Variants in LDB2 observed in about 807,000 individuals in gnomAD.
LDB2 encodes LIM domain-binding protein 2.
In LDB2, 12 loss-of-function variants were observed where a neutral mutation model predicts 44.3. The ratio of observed to expected loss-of-function variants is 0.27; its 90% CI spans 0.17 to 0.44. The LOEUF (loss-of-function observed/expected upper bound fraction) is 0.44, where lower values mean the gene tolerates loss of function less well. Ranked by LOEUF, LDB2 falls within the 20% of genes least tolerant of loss-of-function variation. LDB2 has a pLI of 1.00. For missense variants in LDB2, 344 were observed against 473.5 expected (o/e 0.73, Z 2.54); for synonymous variants, 164 against 174.8 (o/e 0.94, Z 0.49).
chr4:16,594,788 T>C (rs1720315485), intron 3 of LDB2, among the ~76,000 whole-genome samples: 1 of 152,216 alleles, frequency 6.6e-6, no homozygotes, highest in South Asian at 2.1e-4. Flanking sequence ...AGCGTTGTCA[T>C]TTGTGTTTTG....
chr4:16,579,020 G>A (rs1037188979), intron 5 of LDB2, among the ~76,000 whole-genome samples: 42 of 152,248 alleles, frequency 2.8e-4, no homozygotes, highest in South Asian at 1.0e-3. Flanking sequence ...ATAGAGAGTG[G>A]GGATGGTCAC....
chr4:16,688,509 A>G (rs946650803), intron 2 of LDB2, among the ~76,000 whole-genome samples: 1 of 152,238 alleles, frequency 6.6e-6, no homozygotes, highest in African/African-American at 2.4e-5. Context: ...TTAAAAAAGC[A>G]CAAAATGGCA....
chr4:16,711,321 G>A (rs1356204658), intron 2 of LDB2, among the ~76,000 whole-genome samples: 1 of 152,056 alleles, frequency 6.6e-6, no homozygotes, highest in Admixed American at 6.5e-5. Context: ...GCCAGGCACT[G>A]AGCTTGGCCC....
intron 6 of LDB2, among the ~76,000 whole-genome samples, chr4:16,509,345 A>G (rs1398571721): frequency 6.6e-6 from 1 of 152,158 alleles, no homozygotes; most frequent in Non-Finnish European, 1.5e-5. Flanking sequence ...AAATTGCTAG[A>G]AAAAAATATG....
chr4:16,561,566 A>G (rs960484866), intron 5 of LDB2, among the ~76,000 whole-genome samples: 1 of 152,226 alleles, frequency 6.6e-6, no homozygotes, highest in Non-Finnish European at 1.5e-5. Flanking sequence ...AGGCAATAAA[A>G]GAGGATACAA....
At chr4:16,571,669 C>G (rs1435426017) in intron 5 of LDB2, among the ~76,000 whole-genome samples, 1 of 152,126 alleles carries the variant, frequency 6.6e-6, no homozygotes, top group African/African-American at 2.4e-5. Flanking sequence ...AAAACTAGGC[C>G]ATTAACACCT....
intron 1 of LDB2, among the ~76,000 whole-genome samples, chr4:16,836,691 C>A (rs533240897): frequency 6.6e-6 from 1 of 152,248 alleles, no homozygotes; most frequent in East Asian, 1.9e-4. Flanking sequence ...TCATGCCCAC[C>A]ATTTATTGAT....
At chr4:16,614,919 A>C (rs1240968273) in intron 2 of LDB2, among the ~76,000 whole-genome samples, 3 of 150,418 alleles carry the variant, frequency 2.0e-5, no homozygotes, top group African/African-American at 7.3e-5. Context: ...AAATACAAAA[A>C]ATTAGCCGGG....
intron 1 of LDB2, among the ~76,000 whole-genome samples, chr4:16,866,989 T>G (rs1417002644): frequency 1.3e-5 from 2 of 152,150 alleles, no homozygotes; most frequent in Non-Finnish European, 2.9e-5. Flanking sequence ...GTGACAACCT[T>G]GCCAAACAGA....
At chr4:16,645,361 C>A (rs936406617) in intron 2 of LDB2, among the ~76,000 whole-genome samples, 1 of 151,150 alleles carries the variant, frequency 6.6e-6, no homozygotes, top group Non-Finnish European at 1.5e-5. Context: ...AAGGTGAAAC[C>A]CCGTCTCTAC....
At chr4:16,842,536 T>G (rs900699072) in intron 1 of LDB2, among the ~76,000 whole-genome samples, 6 of 152,242 alleles carry the variant, frequency 3.9e-5, no homozygotes, top group Admixed American at 1.3e-4. Flanking sequence ...TATACACATT[T>G]ATTAAGGCAC....
intron 1 of LDB2, among the ~76,000 whole-genome samples, chr4:16,796,553 A>G (rs1776783395): frequency 6.6e-6 from 1 of 152,198 alleles, no homozygotes; most frequent in South Asian, 2.1e-4. Flanking sequence ...AAGAATCACA[A>G]GTGATTTATG....
chr4:16,567,605 C>A (rs970583766), intron 5 of LDB2, among the ~76,000 whole-genome samples: 2 of 152,008 alleles, frequency 1.3e-5, no homozygotes, highest in African/African-American at 4.8e-5. Context: ...CCTGTCTCTA[C>A]TAGAAATACA....
chr4:16,836,414 C>G (rs1436197000), intron 1 of LDB2, among the ~76,000 whole-genome samples: 1 of 152,186 alleles, frequency 6.6e-6, no homozygotes, highest in Non-Finnish European at 1.5e-5. Context: ...CCCAGGTGCT[C>G]AGGAAGTCCA....
intron 1 of LDB2, among the ~76,000 whole-genome samples, chr4:16,834,759 G>A (rs566040000): frequency 3.3e-5 from 5 of 152,024 alleles, no homozygotes; most frequent in South Asian, 2.1e-4. Context: ...CCCCGGAGTC[G>A]GAGTTTGCAG....
intron 1 of LDB2, among the ~76,000 whole-genome samples, chr4:16,785,136 C>A (rs1774141320): frequency 6.6e-6 from 1 of 151,436 alleles, no homozygotes; most frequent in South Asian, 2.1e-4. Flanking sequence ...AAAATAAATC[C>A]TTTTTCTTAA....
chr4:16,726,448 T>C (rs1166248870), intron 2 of LDB2: 1 of 152,158 alleles, frequency 6.6e-6, no homozygotes, highest in Non-Finnish European at 1.5e-5. Context: ...TAAATACATT[T>C]ATATTTTAGT....
intron 1 of LDB2, among the ~76,000 whole-genome samples, chr4:16,881,657 A>G (rs1720166493): frequency 6.7e-6 from 1 of 149,410 alleles, no homozygotes; most frequent in Non-Finnish European, 1.5e-5. Context: ...TTCCACATAA[A>G]TTACTATGAT....
intron 5 of LDB2, among the ~76,000 whole-genome samples, chr4:16,529,745 A>G (rs1729490760): frequency 6.6e-6 from 1 of 152,014 alleles, no homozygotes; most frequent in Non-Finnish European, 1.5e-5. Context: ...AGATCTGTAT[A>G]TGGTGTTTGA....
Sources: allele counts gnomAD v4.1 joint callset (sites outside exome capture counted in the v4.1 genomes callset), GRCh38; gene constraint gnomAD v4.1.1; transcripts MANE v1.5; gene names NCBI Gene and HGNC (gene_info 2026-07-23, HGNC 2026-07-21).